Variants in ADGRF1 observed in about 807,000 individuals in gnomAD.
The protein encoded by ADGRF1 is G protein-coupled receptor 110.
A neutral mutation model predicts 87.2 loss-of-function variants in ADGRF1; 85 were observed. That is an observed-to-expected ratio of 0.97 (90% CI 0.82 to 1.17). The LOEUF is 1.17. Ranked by LOEUF, ADGRF1 falls within the 50% of genes most tolerant of loss-of-function variation. The pLI, the probability that ADGRF1 is intolerant of heterozygous loss-of-function variation, is 0.00. For synonymous variants in ADGRF1, 430 were observed against 408.8 expected (o/e 1.05, Z -0.63); for missense variants, 1,169 against 1,077.2 (o/e 1.09, Z -1.19).
chr6:47,001,088 G>A (rs1405688580), intron 14 of ADGRF1, among the ~76,000 whole-genome samples: 1 of 152,240 alleles, frequency 6.6e-6, no homozygotes, highest in East Asian at 1.9e-4. Context: ...TAGGGAGGAG[G>A]ACATGTGCAA....
At chr6:47,019,544 C>T (rs1363705099) in intron 7 of ADGRF1, 8 of 278,612 alleles carry the variant, frequency 2.9e-5, no homozygotes, top group Non-Finnish European at 3.3e-5. Flanking sequence ...ATTAGCCAGG[C>T]GTGGTGGCAC....
At position 47,022,043 on chromosome 6, in the gene ADGRF1, A is replaced by C; in HGVS notation, c.467T>G (p.Phe156Cys). 1 of 1,567,692 alleles carries C rather than the reference A, an allele frequency of 6.4e-7. No homozygotes were observed. Among genetic ancestry groups the C allele is most frequent in the Non-Finnish European group, 8.6e-7 (1 of 1,157,254 alleles). The change falls in exon 6 of 15, where the codon TTC (phenylalanine) becomes TGC (cysteine). Residue 156 changes from phenylalanine (F) to cysteine (C), a missense_variant. Physicochemically the swap from Phe to Cys is radical, Grantham distance 205. Transcript: ENST00000371253. ...ATTTGTAAACCTTTCATTAATTTTG[A>C]AAGTGCCCCAAATCTCTGTAGGAAA... ...FCERTKIWGT[F>C]KINERFTNDL...
chr6:46,999,895 G>A lies in ADGRF1; in HGVS notation c.*327C>T, dbSNP rs1000425241. 5.6e-6 allele frequency: 1 copy of A among 178,544 alleles called. No homozygotes were observed. The highest frequency in any genetic ancestry group is 2.4e-5 in the African/African-American group (1 of 42,480). The allele number at this position is 178,544 out of a possible 1,614,324, so 11.1% of individuals were successfully genotyped here. On this transcript the variant is annotated 3_prime_UTR_variant, in exon 15 of 15. Transcript: ENST00000371253. ...TTTTCTTCCTTCAATCCAGATTATT[G>A]GAAATGCCATGTGAATAATGCTGTT...
In ADGRF1 at chr6:47,031,361, C is replaced by G. The variant is rs1038107209; in HGVS notation, c.-43-2257G>C. Among the ~76,000 whole-genome samples, 21 of 146,318 alleles carry G rather than the reference C, an allele frequency of 1.4e-4. No homozygotes were observed. The South Asian group carries it at 1.9e-3, about 14-fold the overall frequency. On this transcript the variant is annotated intron_variant, in intron 1 of 14. Coordinates refer to ENST00000371253, the MANE Select transcript of ADGRF1 (RefSeq NM_153840.4). ...TCTCTCTCTCTCTCTGTCTCTCTCTCTCTCTCTCTCTCTCTCTCTCTCTCT... is the reference window on the plus strand; with the variant it reads ...TCTCTCTCTCTCTCTGTCTCTCTCTGTCTCTCTCTCTCTCTCTCTCTCTCT...
At chr6:47,002,583 A>AATT (rs1457106969) in intron 13 of ADGRF1, among the ~76,000 whole-genome samples, 1 of 152,194 alleles carries the variant, frequency 6.6e-6, no homozygotes, top group Admixed American at 6.5e-5. Flanking sequence ...CATACTCAAT[A>AATT]TACTTCCTTG....
chr6:47,022,317 G>A (rs746085149), intron 5 of ADGRF1, among the ~76,000 whole-genome samples: 2 of 152,188 alleles, frequency 1.3e-5, no homozygotes, highest in Non-Finnish European at 2.9e-5. Context: ...GGCCTCTCAT[G>A]TGTCACTAAA....
Position 47,009,072 on chromosome 6 carries a change from C to T in ADGRF1, c.2363G>A (p.Arg788His), listed in dbSNP as rs771305430. 14 of 1,613,960 alleles carry T rather than the reference C, an allele frequency of 8.7e-6. No homozygotes were observed. Among genetic ancestry groups the T allele is most frequent in the South Asian group, 3.3e-5 (3 of 91,078 alleles). ...CAGAATGAGGAGGCTCTTCCCCACG[C>T]GGATGATGGTGGCCTTGTCATCCCG... The part of the protein sequence containing the change: ...LSRDDKATII[R>H]VGKSLLILTP... Residue 788 changes from arginine (R) to histidine (H), a missense_variant, in exon 11 of 15, where the codon CGC (arginine) becomes CAC (histidine). By Grantham distance (29) the Arg-to-His change is conservative. Transcript: ENST00000371253.
intron 12 of ADGRF1, 42 bp from the exon 13 acceptor site, chr6:47,005,918 A>G (rs1318144273): frequency 6.8e-6 from 9 of 1,325,900 alleles, no homozygotes; most frequent in African/African-American, 1.5e-5. Context: ...TACACATACA[A>G]TCATACACAG....
At chr6:47,026,474 C>T (rs992396494) in intron 3 of ADGRF1, among the ~76,000 whole-genome samples, 3 of 151,410 alleles carry the variant, frequency 2.0e-5, no homozygotes, top group Non-Finnish European at 2.9e-5. Flanking sequence ...ATATTCCATT[C>T]GTTAGCTGCG....
At chr6:47,034,887 TTCAGC>T (rs1780542600) in intron 1 of ADGRF1, among the ~76,000 whole-genome samples, 3 of 152,240 alleles carry the variant, frequency 2.0e-5, no homozygotes, top group Non-Finnish European at 4.4e-5. Flanking sequence ...TAGAACTTCA[TTCAGC>T]TCAAGAGTAT....
chr6:47,032,044 C>T (rs1780445586), intron 1 of ADGRF1, among the ~76,000 whole-genome samples: 1 of 152,128 alleles, frequency 6.6e-6, no homozygotes, highest in South Asian at 2.1e-4. Flanking sequence ...AAGCAATGCT[C>T]ACATCCAGGC....
At chr6:47,022,804 CTT>C (rs11286179) in intron 5 of ADGRF1, among the ~76,000 whole-genome samples, 57 of 119,272 alleles carry the variant, frequency 4.8e-4, no homozygotes, top group African/African-American at 1.6e-3. Flanking sequence ...TTTCTTTTTT[CTT>C]TTTTTTTTTT....
chr6:47,003,660 G>A lies in ADGRF1; in HGVS notation c.2593-2093C>T, dbSNP rs142601272. Among the ~76,000 whole-genome samples the A allele has an allele frequency of 3.3e-5, 5 of 152,108 alleles. No individual in the cohort carries two copies. In the East Asian group the frequency reaches 9.6e-4, roughly 29 times the overall value. ...GAAAATCTTTGAATCCATCTATGACGTGGAAGCCCTCCTGTCCCTACTTCG... is the reference window on the plus strand; with the variant it reads ...GAAAATCTTTGAATCCATCTATGACATGGAAGCCCTCCTGTCCCTACTTCG... On this transcript the variant is annotated intron_variant, in intron 13 of 14. Coordinates refer to ENST00000371253, the MANE Select transcript of ADGRF1 (RefSeq NM_153840.4).
chr6:47,000,529 G>A (rs767276782), intron 14 of ADGRF1, among the ~76,000 whole-genome samples: 3 of 152,174 alleles, frequency 2.0e-5, no homozygotes, highest in Non-Finnish European at 4.4e-5. Flanking sequence ...TTCAAATATT[G>A]CTGGGAAATG....
At chr6:47,020,557 T>C in intron 7 of ADGRF1, 174 bp downstream of exon 7, 1 of 1,508,990 alleles carries the variant, frequency 6.6e-7, no homozygotes, top group East Asian at 2.4e-5. Context: ...ATCTAGGCTT[T>C]ACTCTTCAGA....
chr6:47,019,663 G>A lies in ADGRF1; in HGVS notation c.611+1068C>T, dbSNP rs183747314. ...CGTGCCACTGCACTCCAGCCTAGGC[G>A]ACAGAGCGAGACTCCATCTCAAAAA... is the stretch of plus-strand genomic sequence containing the variant. On this transcript the variant is annotated intron_variant, in intron 7 of 14. Coordinates refer to ENST00000371253, the MANE Select transcript of ADGRF1 (RefSeq NM_153840.4). 7.2e-4 allele frequency: 502 copies of A among 700,860 alleles called. No individual in the cohort carries two copies. In the African/African-American group the frequency reaches 9.8e-3, roughly 14 times the overall value. The allele number at this position is 700,860 out of a possible 1,614,324, so 43.4% of individuals were successfully genotyped here. A position where few individuals can be genotyped will look rare whatever the true frequency, so the allele number is the denominator to read the frequency against.
In ADGRF1 at chr6:47,009,273, G is replaced by A. The variant is rs117217476; in HGVS notation, c.2162C>T (p.Thr721Met). 304 of 1,614,138 alleles carry A rather than the reference G, an allele frequency of 1.9e-4. 2 individuals are homozygous for A. In the East Asian group the frequency reaches 6.4e-3, roughly 34 times the overall value. Residue 721 changes from threonine to methionine, a missense_variant, in exon 11 of 15, where the codon ACG becomes ATG. Physicochemically the swap from Thr to Met is moderately conservative, Grantham distance 81. Transcript: ENST00000371253. ...LIISVITIAV[T>M]QPSNTYKRKD... is the part of the protein sequence containing the mutation. The stretch of plus-strand genomic sequence containing the variant: ...CCTTTTGTAGGTATTGCTAGGTTGC[G>A]TGACAGCAATGGTAATGACAGATAT...
chr6:47,033,366 T>A (rs557997720), intron 1 of ADGRF1, among the ~76,000 whole-genome samples: 2 of 152,348 alleles, frequency 1.3e-5, no homozygotes, highest in South Asian at 4.1e-4. Flanking sequence ...GTTATATACT[T>A]ACGGACTCCA....
At chr6:47,024,865 A>G (rs6900670) in intron 4 of ADGRF1, among the ~76,000 whole-genome samples, 54 of 152,362 alleles carry the variant, frequency 3.5e-4, no homozygotes, top group African/African-American at 1.3e-3. Flanking sequence ...CATGCAAAAG[A>G]AGGATGTATA....
Sources: allele counts gnomAD v4.1 joint callset (sites outside exome capture counted in the v4.1 genomes callset), GRCh38; gene constraint gnomAD v4.1.1; transcripts MANE v1.5; gene names NCBI Gene and HGNC (gene_info 2026-07-23, HGNC 2026-07-21).